Variants in PPP1R9A observed in about 807,000 individuals in gnomAD.
PPP1R9A encodes the protein neurabin-1.
In PPP1R9A, 59 loss-of-function variants were observed where a neutral mutation model predicts 141.9. The ratio of observed to expected loss-of-function variants is 0.42; its 90% CI spans 0.34 to 0.52. PPP1R9A has a LOEUF of 0.52. Ranked by LOEUF, PPP1R9A falls within the 20% of genes least tolerant of loss-of-function variation. The pLI, the probability that PPP1R9A is intolerant of heterozygous loss-of-function variation, is 0.10. For synonymous variants in PPP1R9A, 500 were observed against 569.7 expected (o/e 0.88, Z 1.74); for missense variants, 1,444 against 1,611.9 (o/e 0.90, Z 1.78).
chr7:95,107,419 T>C (rs2152427531), intron 2 of PPP1R9A, among the ~76,000 whole-genome samples: 1 of 152,300 alleles, frequency 6.6e-6, no homozygotes, highest in East Asian at 1.9e-4. Flanking sequence ...AAATTATTTA[T>C]TTCCTTTAGA....
chr7:95,230,509 A>G (rs1319563961), intron 8 of PPP1R9A, among the ~76,000 whole-genome samples: 1 of 152,122 alleles, frequency 6.6e-6, no homozygotes, highest in Non-Finnish European at 1.5e-5. Context: ...ACACAAATGC[A>G]AAATGCACTG....
At chr7:95,082,088 G>T (rs1815932361) in intron 2 of PPP1R9A, among the ~76,000 whole-genome samples, 1 of 152,130 alleles carries the variant, frequency 6.6e-6, no homozygotes. Flanking sequence ...ATTTTTATTT[G>T]ACCTGACTCA....
chr7:94,927,592 G>A (rs188406056), intron 2 of PPP1R9A, among the ~76,000 whole-genome samples: 40 of 152,314 alleles, frequency 2.6e-4, no homozygotes, highest in African/African-American at 8.7e-4. Context: ...TGAGTTGATT[G>A]ATAAAAGTCA....
chr7:95,201,402 A>G (rs1216419143), intron 6 of PPP1R9A, among the ~76,000 whole-genome samples: 1 of 152,126 alleles, frequency 6.6e-6, no homozygotes, highest in Non-Finnish European at 1.5e-5. Flanking sequence ...TGCCTCAACA[A>G]AACATGCCCA....
intron 2 of PPP1R9A, among the ~76,000 whole-genome samples, chr7:94,983,505 T>C (rs1418801443): frequency 6.6e-6 from 1 of 152,160 alleles, no homozygotes; most frequent in Non-Finnish European, 1.5e-5. Flanking sequence ...TTTTATTTCA[T>C]TGAGCAGTGG....
At position 95,062,418 on chromosome 7, in the gene PPP1R9A, AT is replaced by A. The variant is rs576031319; in HGVS notation, c.1396-48822del. ...GTAGTTCAGTTCCATAGATTAGGGAATTTTTTTTTTTTTTTTTTTAGATGGA... is the reference window on the plus strand; with the variant it reads ...GTAGTTCAGTTCCATAGATTAGGGAATTTTTTTTTTTTTTTTTTAGATGGA... On this transcript the variant is annotated intron_variant, in intron 2 of 19. Coordinates refer to ENST00000433360, the MANE Select transcript of PPP1R9A (RefSeq NM_001166160.2). Among the ~76,000 whole-genome samples the A allele has an allele frequency of 7.5e-3, 1,037 of 138,490 alleles. 6 individuals are homozygous for A. The highest frequency in any genetic ancestry group is 0.021 in the South Asian group (90 of 4,242). 90.9% of individuals were successfully genotyped at this position (138,490 alleles called of 152,430 possible).
intron 5 of PPP1R9A, among the ~76,000 whole-genome samples, chr7:95,179,922 A>C (rs912556208): frequency 2.0e-5 from 3 of 152,210 alleles, no homozygotes; most frequent in African/African-American, 7.2e-5. Context: ...GATAGGTAGA[A>C]TCAATATTGT....
At chr7:94,967,594 C>A (rs1798359988) in intron 2 of PPP1R9A, among the ~76,000 whole-genome samples, 1 of 152,056 alleles carries the variant, frequency 6.6e-6, no homozygotes, top group South Asian at 2.1e-4. Flanking sequence ...CATTCAGGAG[C>A]AGGTTGTTCA....
intron 2 of PPP1R9A, among the ~76,000 whole-genome samples, chr7:94,977,885 C>G (rs1031394845): frequency 6.6e-6 from 1 of 151,750 alleles, no homozygotes; most frequent in Non-Finnish European, 1.5e-5. Flanking sequence ...GCCTCAGCCT[C>G]CTGAGTAGCT....
At chr7:94,968,769 AG>A (rs1263925158) in intron 2 of PPP1R9A, among the ~76,000 whole-genome samples, 1 of 152,126 alleles carries the variant, frequency 6.6e-6, no homozygotes, top group Non-Finnish European at 1.5e-5. Flanking sequence ...TGTCACTTTC[AG>A]GTACACTAAT....
chr7:94,925,226 G>T (rs1460330243), intron 2 of PPP1R9A, among the ~76,000 whole-genome samples: 2 of 152,058 alleles, frequency 1.3e-5, no homozygotes, highest in South Asian at 4.2e-4. Flanking sequence ...TTGTGGGGGA[G>T]TCAGTCTGTT....
chr7:94,998,967 C>T (rs1440777867), intron 2 of PPP1R9A, among the ~76,000 whole-genome samples: 1 of 152,138 alleles, frequency 6.6e-6, no homozygotes, highest in Non-Finnish European at 1.5e-5. Flanking sequence ...TGCTGCCAGG[C>T]TGATCTTGAA....
In PPP1R9A at chr7:95,075,961, A is replaced by G. The variant is rs536248355; in HGVS notation, c.1396-35298A>G. ...GTATAGTAATTAAGAGTTGTTTACT[A>G]AGATTTGTTTTGCAGATTAGGGGTC... On this transcript the variant is annotated intron_variant, in intron 2 of 19. Transcript: ENST00000433360. 2.0e-5 allele frequency among the ~76,000 whole-genome samples: 3 copies of G among 152,342 alleles called. No homozygotes were observed. In the South Asian group the frequency reaches 6.2e-4, roughly 32 times the overall value.
At chr7:95,165,422 C>G (rs984704833) in intron 5 of PPP1R9A, among the ~76,000 whole-genome samples, 1 of 152,194 alleles carries the variant, frequency 6.6e-6, no homozygotes, top group African/African-American at 2.4e-5. Context: ...GCAGCCAGCA[C>G]TAACTTAACC....
At chr7:95,253,049 C>A (rs537536172) in intron 12 of PPP1R9A, among the ~76,000 whole-genome samples, 1 of 152,114 alleles carries the variant, frequency 6.6e-6, no homozygotes, top group Non-Finnish European at 1.5e-5. Context: ...TTAGATTGCA[C>A]GTGTATGAAC....
At chr7:95,272,361 T>C (rs1451802101) in intron 14 of PPP1R9A, among the ~76,000 whole-genome samples, 1 of 152,202 alleles carries the variant, frequency 6.6e-6, no homozygotes, top group South Asian at 2.1e-4. Context: ...TAAAATCCAT[T>C]AGTAAAATCA....
rs771877480 is a variant in PPP1R9A, at chr7:94,911,166, G to T, written c.1053G>T (p.Leu351Phe). 5 of 1,614,184 alleles carry T rather than the reference G, an allele frequency of 3.1e-6. No individual in the cohort carries two copies. In the South Asian group the frequency reaches 5.5e-5, roughly 18 times the overall value. Reference protein sequence around the residue: ...SQLLEDAEANLVGREAAKQQR... With the variant: ...SQLLEDAEANFVGREAAKQQR... ...TGTTAGAAGATGCTGAAGCTAATTT[G>T]GTTGGAAGGGAGGCAGCAAAGCAAC... Residue 351 changes from leucine (L) to phenylalanine (F), a missense_variant, in exon 2 of 20, where the codon TTG becomes TTT. Physicochemically the swap from Leu to Phe is conservative, Grantham distance 22. This residue lies in a region of PPP1R9A where 490 missense variants were observed against 521.1 expected (regional missense o/e 0.94). Transcript: ENST00000433360.
At chr7:95,021,049 C>T (rs1805875868) in intron 2 of PPP1R9A, among the ~76,000 whole-genome samples, 2 of 152,188 alleles carry the variant, frequency 1.3e-5, no homozygotes, top group Admixed American at 6.5e-5. Context: ...GGAATCGCCG[C>T]ACTGTCTTCC....
intron 2 of PPP1R9A, among the ~76,000 whole-genome samples, chr7:94,991,915 G>T (rs1801565169): frequency 6.6e-6 from 1 of 152,188 alleles, no homozygotes; most frequent in Non-Finnish European, 1.5e-5. Flanking sequence ...GCCTTCCAAA[G>T]TGTTGGGATT....
Sources: allele counts gnomAD v4.1 joint callset (sites outside exome capture counted in the v4.1 genomes callset), GRCh38; gene constraint gnomAD v4.1.1; regional missense constraint gnomAD v4.1.1; transcripts MANE v1.5; gene names NCBI Gene and HGNC (gene_info 2026-07-23, HGNC 2026-07-21).